RAPGEF6: variants seen among roughly 807,000 people sequenced by gnomAD.
RAPGEF6 encodes Rap guanine nucleotide exchange factor 6.
Under a neutral mutation model 171.4 loss-of-function variants are expected in RAPGEF6, and 56 were observed. The observed-to-expected ratio is 0.33, with a 90% CI of 0.26 to 0.41. RAPGEF6 has a LOEUF of 0.41. Among genes scored for constraint, RAPGEF6 ranks in the 10% least tolerant of loss-of-function variants. The pLI, the probability that RAPGEF6 is intolerant of heterozygous loss-of-function variation, is 1.00. For missense variants in RAPGEF6, 1,674 were observed against 1,921.4 expected, an observed-to-expected ratio of 0.87 and a Z score of 2.41; for synonymous variants, 692 against 650.1, an observed-to-expected ratio of 1.06 and a Z score of -0.98.
chr5:131,606,029 CAAAAAAAAAAAAAAA>C (rs1168486376), intron 1 of RAPGEF6, among the ~76,000 whole-genome samples: 1 of 70,590 alleles, frequency 1.4e-5, no homozygotes, highest in African/African-American at 8.7e-5. Flanking sequence ...GACTCCATCT[CAAAAAAAAAAAAAAA>C]AAAAAAAAAG....
intron 25 of RAPGEF6, among the ~76,000 whole-genome samples, chr5:131,432,356 C>T (rs535574596): frequency 1.2e-4 from 19 of 152,266 alleles, no homozygotes; most frequent in Admixed American, 2.0e-4. Flanking sequence ...TGGTGGCTCA[C>T]GCCTGTAATC....
chr5:131,528,172 A>T (rs1172468887), intron 6 of RAPGEF6, among the ~76,000 whole-genome samples: 1 of 62,956 alleles, frequency 1.6e-5, no homozygotes, highest in African/African-American at 4.1e-5. Context: ...TATATTACAT[A>T]TAAATTTATA....
rs758937038 is a variant in RAPGEF6, at chr5:131,461,886, T to G, written c.2683A>C (p.Thr895Pro). Residue 895 changes from threonine to proline, a missense_variant, in exon 19 of 28, where the codon ACA becomes CCA. This residue lies in a region of RAPGEF6 where 1,116 missense variants were observed against 1,321.5 expected (regional missense o/e 0.84). Transcript: ENST00000509018. ...AACCTCTTCAAATGAGTATTTCCTG[T>G]TTTGGAATTTAACTTAAAAAGGTCA... ...IDDLFKLNSKTGNTHLKRFED... is the reference protein window; with the variant it reads ...IDDLFKLNSKPGNTHLKRFED... 4 of 1,614,120 alleles carry G rather than the reference T, an allele frequency of 2.5e-6. No individual in the cohort carries two copies. The highest frequency in any genetic ancestry group is 3.4e-6 in the Non-Finnish European group (4 of 1,179,988).
intron 27 of RAPGEF6, among the ~76,000 whole-genome samples, 185 bp from the exon 28 acceptor site, chr5:131,427,476 A>G (rs1033285609): frequency 6.6e-6 from 1 of 152,158 alleles, no homozygotes; most frequent in African/African-American, 2.4e-5. Flanking sequence ...AATAAACTGG[A>G]ATTTCATGGT....
In RAPGEF6 at chr5:131,505,484, T is replaced by C; in HGVS notation, c.981A>G (p.Glu327=). 1 of 1,613,670 alleles carries C rather than the reference T, an allele frequency of 6.2e-7. No individual in the cohort carries two copies. The highest frequency in any genetic ancestry group is 8.5e-7 in the Non-Finnish European group (1 of 1,179,766). Residue 327 remains glutamate, a synonymous_variant, in exon 10 of 28, where the codon GAA becomes GAG. Transcript: ENST00000509018. ...CAACTTTTCCATCTGGATGACTGAT[T>C]TCCACAGTGCCGTTTAAAATAACAT... The part of the protein sequence containing the change: ...SWYVILNGTV[E]ISHPDGKVEN...
In RAPGEF6 at chr5:131,592,360, C is replaced by A. The variant is rs1203545001; in HGVS notation, c.281+23G>T. The A allele has an allele frequency of 1.9e-6, 3 of 1,609,882 alleles. No individual in the cohort carries two copies. In the South Asian group the frequency reaches 3.3e-5, roughly 18 times the overall value. On this transcript the variant is annotated intron_variant, in intron 4 of 27. Coordinates refer to ENST00000509018, the MANE Select transcript of RAPGEF6 (RefSeq NM_016340.6). The stretch of plus-strand genomic sequence containing the variant: ...AATAGTTTAACATTAACTTTGCCTG[C>A]CATATAGCAAATGTAAACGTACCTG...
chr5:131,503,147 A>G (rs1437470737), intron 11 of RAPGEF6, among the ~76,000 whole-genome samples: 2 of 152,160 alleles, frequency 1.3e-5, no homozygotes, highest in African/African-American at 4.8e-5. Flanking sequence ...AACTTGAAGG[A>G]TTCTATGGTG....
chr5:131,571,496 T>C (rs8180462), intron 4 of RAPGEF6, among the ~76,000 whole-genome samples: 96,250 of 152,016 alleles, frequency 0.63, 32,408 homozygotes, highest in Non-Finnish European at 0.77. Context: ...TTTAATAAGG[T>C]TGCAAGATGT....
At chr5:131,634,737 C>A (rs566583579) in intron 1 of RAPGEF6, among the ~76,000 whole-genome samples, 1 of 152,162 alleles carries the variant, frequency 6.6e-6, no homozygotes, top group African/African-American at 2.4e-5. Context: ...ACTCAGAAGC[C>A]CCCGGCAAGG....
In RAPGEF6 at chr5:131,537,655, TAAAC is replaced by T. The variant is rs553321753; in HGVS notation, c.495+10388_495+10391del. Reference sequence around the variant, plus strand: ...AAACACAAACACAAGGATACATAACTAAACATTCAGCATCATCTAAATTAATTAA... The same window carrying T: ...AAACACAAACACAAGGATACATAACTATTCAGCATCATCTAAATTAATTAA... On this transcript the variant is annotated intron_variant, in intron 6 of 27. Transcript: ENST00000509018. Among the ~76,000 whole-genome samples, 316 of 152,268 alleles carry T rather than the reference TAAAC, an allele frequency of 2.1e-3. 1 individual carries two copies. Among genetic ancestry groups the T allele is most frequent in the African/African-American group, 7.4e-3 (307 of 41,546 alleles).
In RAPGEF6 at chr5:131,426,752, T is replaced by G; in HGVS notation, c.*514A>C. On this transcript the variant is annotated 3_prime_UTR_variant, in exon 28 of 28. Coordinates refer to ENST00000509018, the MANE Select transcript of RAPGEF6 (RefSeq NM_016340.6). ...CTGTTTGGTCAGACCAGAGACAATT[T>G]TATGACCTCAAACATGAATATCAGC... 1 of 171,770 alleles carries G rather than the reference T, an allele frequency of 5.8e-6. No individual in the cohort carries two copies. Among genetic ancestry groups the G allele is most frequent in the Non-Finnish European group, 1.2e-5 (1 of 81,632 alleles). The allele number at this position is 171,770 out of a possible 1,614,324, so 10.6% of individuals were successfully genotyped here.
intron 5 of RAPGEF6, among the ~76,000 whole-genome samples, chr5:131,553,642 C>T (rs921020595): frequency 2.6e-5 from 4 of 152,014 alleles, no homozygotes; most frequent in African/African-American, 7.2e-5. Context: ...AAACAAAAGA[C>T]GTAGTAATAG....
intron 6 of RAPGEF6, among the ~76,000 whole-genome samples, chr5:131,529,701 AG>A (rs1759236884): frequency 6.6e-6 from 1 of 152,102 alleles, no homozygotes; most frequent in Admixed American, 6.6e-5. Flanking sequence ...GCTTGAGTCC[AG>A]GAGTTTGAGA....
intron 6 of RAPGEF6, among the ~76,000 whole-genome samples, chr5:131,539,615 A>C (rs1760001099): frequency 6.6e-6 from 1 of 152,172 alleles, no homozygotes; most frequent in African/African-American, 2.4e-5. Flanking sequence ...CACACTTGCA[A>C]TAATACCTTA....
intron 14 of RAPGEF6, among the ~76,000 whole-genome samples, chr5:131,490,297 G>C (rs758393222): frequency 6.6e-6 from 1 of 151,920 alleles, no homozygotes; most frequent in Non-Finnish European, 1.5e-5. Context: ...TCAGAACAGA[G>C]AGCAGATCTA....
chr5:131,627,538 G>T (rs1766012448), intron 1 of RAPGEF6, among the ~76,000 whole-genome samples: 1 of 152,156 alleles, frequency 6.6e-6, no homozygotes, highest in African/African-American at 2.4e-5. Flanking sequence ...AATATAAGGA[G>T]TTCATTCTGA....
Position 131,462,048 on chromosome 5 carries a change from A to T in RAPGEF6, c.2521T>A (p.Ser841Thr). 6.3e-7 allele frequency: 1 copy of T among 1,591,768 alleles called. No individual in the cohort carries two copies. The highest frequency in any genetic ancestry group is 8.5e-7 in the Non-Finnish European group (1 of 1,170,390). ...ACTAGTTCTTGAGCATCTTCATCTG[A>T]ACATAAGGTTTCTGTTTCCATGTTA... ...KNNMETETLC[S>T]DEDAQELVKE... Residue 841 changes from serine to threonine, a missense_variant, in exon 19 of 28, where the codon TCA becomes ACA. By Grantham distance (58) the Ser-to-Thr change is moderately conservative. Transcript: ENST00000509018.
At chr5:131,537,421 T>C (rs754532960) in intron 6 of RAPGEF6, among the ~76,000 whole-genome samples, 6 of 152,180 alleles carry the variant, frequency 3.9e-5, no homozygotes, top group Non-Finnish European at 7.4e-5. Context: ...CCAATATTCA[T>C]GTAGAAACTT....
At chr5:131,616,066 G>A (rs986265525) in intron 1 of RAPGEF6, among the ~76,000 whole-genome samples, 2 of 151,972 alleles carry the variant, frequency 1.3e-5, no homozygotes, top group Admixed American at 1.3e-4. Context: ...TACCAGCTCA[G>A]GATTAGGGAA....
Sources: allele counts gnomAD v4.1 joint callset (sites outside exome capture counted in the v4.1 genomes callset), GRCh38; gene constraint gnomAD v4.1.1; regional missense constraint gnomAD v4.1.1; transcripts MANE v1.5; gene names NCBI Gene and HGNC (gene_info 2026-07-23, HGNC 2026-07-21).